Variants in MAP3K13 observed in about 807,000 individuals in gnomAD.
MAP3K13 encodes the protein mitogen-activated protein kinase kinase kinase 13, also known as leucine zipper-bearing kinase.
In MAP3K13, 52 loss-of-function variants were observed where a neutral mutation model predicts 104.0. That is an observed-to-expected ratio of 0.50 (90% CI 0.40 to 0.63). The LOEUF (loss-of-function observed/expected upper bound fraction) is 0.63, where lower values mean the gene tolerates loss of function less well. Ranked by LOEUF, MAP3K13 falls within the 20% of genes least tolerant of loss-of-function variation. The probability of loss-of-function intolerance (pLI) is 0.00; values close to 1 mark genes in which losing one functional copy is unlikely to be tolerated. For synonymous variants in MAP3K13, 394 were observed against 442.2 expected (o/e 0.89, Z 1.37); for missense variants, 914 against 1,218.5 (o/e 0.75, Z 3.72).
chr3:185,366,543 C>T (rs1723896671), intron 1 of MAP3K13, among the ~76,000 whole-genome samples: 2 of 152,224 alleles, frequency 1.3e-5, no homozygotes, highest in African/African-American at 2.4e-5. Flanking sequence ...CACCATTTTA[C>T]ATTCCCATCA....
At chr3:185,334,887 G>T (rs939943750) in intron 2 of MAP3K13, among the ~76,000 whole-genome samples, 15 of 152,122 alleles carry the variant, frequency 9.9e-5, no homozygotes, top group Non-Finnish European at 2.2e-4. Flanking sequence ...GGGATTACAG[G>T]CATGAGCCAC....
intron 2 of MAP3K13, among the ~76,000 whole-genome samples, chr3:185,347,724 T>C (rs981571238): frequency 1.3e-5 from 2 of 152,002 alleles, no homozygotes; most frequent in African/African-American, 4.8e-5. Flanking sequence ...GAAATATCAA[T>C]GTAGCCAGGC....
rs1715799344 is a variant in MAP3K13, at chr3:185,450,072, C to T, written c.1169+14C>T. On this transcript the variant is annotated intron_variant, in intron 6 of 13. Coordinates refer to ENST00000265026, the MANE Select transcript of MAP3K13 (RefSeq NM_004721.5). The surrounding 1 kb of genome is among the most constrained non-coding windows in gnomAD (Gnocchi z 4.2). Reference sequence around the variant, plus strand: ...GAAACAGACGTGGTAAGAATATTGTCTCTAAAACAATAGGGAGGTCTCTAA... The same window carrying T: ...GAAACAGACGTGGTAAGAATATTGTTTCTAAAACAATAGGGAGGTCTCTAA... 3 of 1,594,716 alleles carry T rather than the reference C, an allele frequency of 1.9e-6. No homozygotes were observed. The highest frequency in any genetic ancestry group is 2.7e-5 in the African/African-American group (2 of 73,866).
chr3:185,381,480 C>A (rs1724719532), intron 1 of MAP3K13, among the ~76,000 whole-genome samples: 1 of 152,106 alleles, frequency 6.6e-6, no homozygotes, highest in Admixed American at 6.5e-5. Flanking sequence ...CACACAACAG[C>A]AAAAAAACTG....
At chr3:185,356,940 G>A (rs1279612674) in intron 2 of MAP3K13, among the ~76,000 whole-genome samples, 1 of 152,108 alleles carries the variant, frequency 6.6e-6, no homozygotes, top group African/African-American at 2.4e-5. Context: ...TCGCTCTGCC[G>A]CCCGACTTTA....
At chr3:185,436,016 G>T (rs895890401) in intron 2 of MAP3K13, among the ~76,000 whole-genome samples, 12 of 152,120 alleles carry the variant, frequency 7.9e-5, no homozygotes, top group Non-Finnish European at 1.3e-4. Context: ...CACTCCGTGG[G>T]GCTCTTAGCT....
intron 1 of MAP3K13, among the ~76,000 whole-genome samples, chr3:185,406,317 T>G (rs900415331): frequency 2.6e-5 from 4 of 152,218 alleles, no homozygotes; most frequent in Non-Finnish European, 5.9e-5. Context: ...AAGAAAAGCC[T>G]TGAAATAAAG....
chr3:185,432,719 A>G (rs1360651409), intron 2 of MAP3K13, among the ~76,000 whole-genome samples: 1 of 152,192 alleles, frequency 6.6e-6, no homozygotes, highest in Non-Finnish European at 1.5e-5. Context: ...GGAGGTTTTA[A>G]AATTTTTTGT....
chr3:185,454,990 TATATATG>T (rs1716342030), intron 7 of MAP3K13, among the ~76,000 whole-genome samples: 3 of 81,896 alleles, frequency 3.7e-5, no homozygotes, highest in Admixed American at 3.1e-4. Context: ...ATATATGAGA[TATATATG>T]ATATATATGA....
chr3:185,411,738 G>A (rs1258595496), intron 1 of MAP3K13, among the ~76,000 whole-genome samples: 2 of 147,250 alleles, frequency 1.4e-5, no homozygotes, highest in Non-Finnish European at 3.0e-5. Flanking sequence ...ATGTGCACTT[G>A]TAATGAATTC....
intron 1 of MAP3K13, among the ~76,000 whole-genome samples, chr3:185,397,498 T>C (rs1712494512): frequency 2.6e-5 from 4 of 152,248 alleles, no homozygotes. Flanking sequence ...TTATGCAGTA[T>C]ATAAATGCTT....
rs1182940494 is a variant in MAP3K13 at position 185,451,151 on chromosome 3, G to A, written c.1170-136G>A. The A allele has an allele frequency of 4.1e-5, 25 of 603,674 alleles. No homozygotes were observed. The South Asian group carries it at 4.8e-4, about 12-fold the overall frequency. 37.4% of individuals were successfully genotyped at this position (603,674 alleles called of 1,614,324 possible). On this transcript the variant is annotated intron_variant, in intron 6 of 13. Transcript: ENST00000265026. The stretch of plus-strand genomic sequence containing the variant: ...AGATACAATTCAGTTATGCTATCCT[G>A]ATATAATGGAGTACAGCTGGTTTTA...
At chr3:185,362,386 T>C (rs997513485), upstream of MAP3K13, among the ~76,000 whole-genome samples, 2 of 152,332 alleles carry the variant, frequency 1.3e-5, no homozygotes, top group East Asian at 3.9e-4. Context: ...AACCAAAATT[T>C]GTTCAAAGTT....
intron 3 of MAP3K13, among the ~76,000 whole-genome samples, chr3:185,440,877 A>T (rs1715285643): frequency 6.6e-6 from 1 of 152,240 alleles, no homozygotes; most frequent in Non-Finnish European, 1.5e-5. Flanking sequence ...GTATACCCAT[A>T]AGCGATAAGA....
At chr3:185,380,388 GCAGTCCCAGCTACT>G (rs1388434471) in intron 1 of MAP3K13, among the ~76,000 whole-genome samples, 1 of 148,748 alleles carries the variant, frequency 6.7e-6, no homozygotes, top group Non-Finnish European at 1.5e-5. Context: ...TTGCGTGCCT[GCAGTCCCAGCTACT>G]CAGGAGGCTG....
chr3:185,393,807 C>T (rs1193264058), intron 1 of MAP3K13, among the ~76,000 whole-genome samples: 1 of 152,034 alleles, frequency 6.6e-6, no homozygotes, highest in Non-Finnish European at 1.5e-5. Flanking sequence ...GGAGTCATGC[C>T]CTGGGCAAGA....
intron 2 of MAP3K13, among the ~76,000 whole-genome samples, chr3:185,355,834 T>C (rs1347650832): frequency 6.6e-6 from 1 of 152,194 alleles, no homozygotes; most frequent in Non-Finnish European, 1.5e-5. Context: ...ATGCATGAAA[T>C]TCAGAAATAT....
chr3:185,440,566 A>T (rs1715270444), intron 3 of MAP3K13, among the ~76,000 whole-genome samples: 1 of 152,226 alleles, frequency 6.6e-6, no homozygotes, highest in African/African-American at 2.4e-5. Context: ...TTAAAAATCA[A>T]GATAAGAATT....
intron 2 of MAP3K13, among the ~76,000 whole-genome samples, chr3:185,297,475 C>T (rs995810745): frequency 6.6e-6 from 1 of 152,186 alleles, no homozygotes; most frequent in Non-Finnish European, 1.5e-5. Flanking sequence ...TGACTCACAC[C>T]TGTAATCCCA....
Sources: allele counts gnomAD v4.1 joint callset (sites outside exome capture counted in the v4.1 genomes callset), GRCh38; gene constraint gnomAD v4.1.1; non-coding constraint Gnocchi (gnomAD v3.1); transcripts MANE v1.5; gene names NCBI Gene and HGNC (gene_info 2026-07-23, HGNC 2026-07-21).